Variants in RGPD2 observed in about 807,000 individuals in gnomAD.
The protein encoded by RGPD2 is RANBP2-like and GRIP domain-containing protein 2.
RGPD2 carries 2 observed loss-of-function variants against 36.0 expected under a neutral mutation model. That is an observed-to-expected ratio of 0.06 (90% confidence interval 0.02 to 0.17). RGPD2 has a LOEUF of 0.17. Ranked by LOEUF, RGPD2 falls within the 10% of genes least tolerant of loss-of-function variation. The probability of loss-of-function intolerance (pLI) is 1.00; values close to 1 mark genes in which losing one functional copy is unlikely to be tolerated. For missense variants in RGPD2, 40 were observed against 464.3 expected, an observed-to-expected ratio of 0.09 and a Z score of 8.40; for synonymous variants, 19 against 163.8, an observed-to-expected ratio of 0.12 and a Z score of 6.75.
intron 1 of RGPD2, chr2:87,824,810 G>C (rs1435698612): frequency 4.8e-5 from 2 of 42,038 alleles, no homozygotes; most frequent in African/African-American, 1.5e-4. Context: ...CGCCGCCGCC[G>C]CCCGGCCAGG....
intron 22 of RGPD2, among the ~76,000 whole-genome samples, chr2:87,763,188 C>CG (rs1357839365): frequency 2.6e-5 from 3 of 113,722 alleles, no homozygotes; most frequent in African/African-American, 7.0e-5. Context: ...GACGGAGTCT[C>CG]GCTCTGAAGC....
the RGPD2 span, among the ~76,000 whole-genome samples, chr2:87,883,735 G>A: frequency 6.6e-6 from 1 of 151,996 alleles, no homozygotes; most frequent in East Asian, 1.9e-4. Context: ...ATGACAAAGT[G>A]GTAAGTTCAT....
chr2:87,781,801 A>C (rs1353146251), intron 20 of RGPD2, among the ~76,000 whole-genome samples: 4 of 127,860 alleles, frequency 3.1e-5, no homozygotes, highest in African/African-American at 1.2e-4. Context: ...AAACAGAACA[A>C]ATGAAAATGA....
At chr2:87,973,474 C>T in the RGPD2 span, among the ~76,000 whole-genome samples, 1 of 131,166 alleles carries the variant, frequency 7.6e-6, no homozygotes. Flanking sequence ...AGGGGACATC[C>T]CATACGTAGT....
chr2:87,877,804 C>CAAAAAAAAAAAAAAAAAAAAAA, the RGPD2 span, among the ~76,000 whole-genome samples: 2 of 84,418 alleles, frequency 2.4e-5, no homozygotes, highest in African/African-American at 9.3e-5. Flanking sequence ...GACTCCGTCT[C>CAAAAAAAAAAAAAAAAAAAAAA]AAAAAAAAAA....
the RGPD2 span, among the ~76,000 whole-genome samples, chr2:87,834,381 G>T: frequency 6.6e-6 from 1 of 151,996 alleles, no homozygotes; most frequent in Non-Finnish European, 1.5e-5. Context: ...AATATGCAAG[G>T]CCTCAGCCTG....
chr2:87,829,822 C>T (rs1448664047), upstream of RGPD2, among the ~76,000 whole-genome samples: 1 of 135,748 alleles, frequency 7.4e-6, no homozygotes, highest in East Asian at 2.2e-4. Flanking sequence ...TCATTCTGCC[C>T]CTCACCCCTT....
intron 20 of RGPD2, among the ~76,000 whole-genome samples, chr2:87,776,820 G>C (rs2104268770): frequency 2.0e-5 from 1 of 49,728 alleles, no homozygotes; most frequent in Middle Eastern, 8.1e-3. Flanking sequence ...TATTGATTCG[G>C]CCTTACAGAG....
the RGPD2 span, among the ~76,000 whole-genome samples, chr2:87,877,394 C>T: frequency 6.6e-6 from 1 of 152,296 alleles, no homozygotes. Flanking sequence ...CAAGGCAGGC[C>T]TTGTGGTAAT....
chr2:87,957,236 T>TGGCGG, the RGPD2 span, among the ~76,000 whole-genome samples: 2 of 116,242 alleles, frequency 1.7e-5, no homozygotes. Flanking sequence ...ACAAGGTCAC[T>TGGCGG]GGGGGGGGGC....
chr2:87,825,618 G>GCCAGGTCGAGGCCACCGCCCC (rs1558740258), intron 1 of RGPD2, 40 bp downstream of exon 1: 2 of 961,196 alleles, frequency 2.1e-6, no homozygotes, highest in African/African-American at 5.2e-5. Context: ...GCCGCCGCCC[G>GCCAGGTCGAGGCCACCGCCCC]GCCAGGTCGA....
chr2:87,894,636 G>T, the RGPD2 span, among the ~76,000 whole-genome samples: 3 of 151,916 alleles, frequency 2.0e-5, no homozygotes, highest in African/African-American at 4.8e-5. Flanking sequence ...ATTAAGTGTG[G>T]ACTCTAGTGA....
the RGPD2 span, among the ~76,000 whole-genome samples, chr2:87,839,375 C>A: frequency 2.6e-5 from 4 of 151,848 alleles, no homozygotes; most frequent in Admixed American, 6.6e-5. Flanking sequence ...CAAAAAATAA[C>A]AGATTCTGGT....
At chr2:87,836,870 A>G in the RGPD2 span, among the ~76,000 whole-genome samples, 1 of 152,112 alleles carries the variant, frequency 6.6e-6, no homozygotes, top group Non-Finnish European at 1.5e-5. Flanking sequence ...CATAAGCTCA[A>G]AGTAAAGAGG....
At chr2:87,918,651 C>T in the RGPD2 span, among the ~76,000 whole-genome samples, 10 of 152,048 alleles carry the variant, frequency 6.6e-5, no homozygotes, top group Non-Finnish European at 2.9e-5. Flanking sequence ...GATAAATTTT[C>T]TTACAATAGA....
At chr2:87,870,086 A>G in the RGPD2 span, among the ~76,000 whole-genome samples, 1 of 152,282 alleles carries the variant, frequency 6.6e-6, no homozygotes, top group Non-Finnish European at 1.5e-5. Context: ...TTGATTAAAA[A>G]TGTATATCTA....
the RGPD2 span, chr2:87,985,909 T>G: frequency 6.3e-7 from 1 of 1,590,516 alleles, no homozygotes; most frequent in Non-Finnish European, 8.6e-7. Context: ...TGCAAACATG[T>G]TTGTACTATT....
At chr2:87,971,435 A>ATATATATAATATAAATATTATATATAAG in the RGPD2 span, among the ~76,000 whole-genome samples, 1 of 38,996 alleles carries the variant, frequency 2.6e-5, no homozygotes, top group Non-Finnish European at 6.0e-5. Context: ...TTATAGACAT[A>ATATATATAATATAAATATTATATATAAG]TATATATAAT....
At chr2:87,919,777 G>T in the RGPD2 span, among the ~76,000 whole-genome samples, 94 of 149,474 alleles carry the variant, frequency 6.3e-4, 2 homozygotes, top group South Asian at 7.3e-3. Context: ...TCATAGTTCA[G>T]ATACTATACT....
Sources: allele counts gnomAD v4.1 joint callset (sites outside exome capture counted in the v4.1 genomes callset), GRCh38; gene constraint gnomAD v4.1.1; transcripts MANE v1.5; gene names NCBI Gene and HGNC (gene_info 2026-07-23, HGNC 2026-07-21).